Variants in KLF13 observed in about 807,000 individuals in gnomAD.
KLF13 encodes KLF transcription factor 13.
A neutral mutation model predicts 16.7 loss-of-function variants in KLF13; 8 were observed. That is an observed-to-expected ratio of 0.48 (90% CI 0.28 to 0.87). KLF13 has a LOEUF of 0.87. Ranked by LOEUF, KLF13 falls within the 40% of genes least tolerant of loss-of-function variation. The pLI is 0.10. For missense variants in KLF13, 447 were observed against 452.2 expected (o/e 0.99, Z 0.10); for synonymous variants, 245 against 208.4 (o/e 1.18, Z -1.51).
chr15:31,424,479 A>T (rs540036870), intron 1 of KLF13, among the ~76,000 whole-genome samples: 51 of 152,292 alleles, frequency 3.3e-4, no homozygotes, highest in African/African-American at 9.4e-4. Flanking sequence ...CAACTGTTCT[A>T]TATATATGTA....
At chr15:31,370,468 GA>G (rs1189628734) in intron 1 of KLF13, among the ~76,000 whole-genome samples, 1 of 151,290 alleles carries the variant, frequency 6.6e-6, no homozygotes, top group Non-Finnish European at 1.5e-5. Context: ...GCCCAGGCTG[GA>G]GTGCAGTGAC....
At chr15:31,366,915 A>AAG (rs1298750763) in intron 1 of KLF13, among the ~76,000 whole-genome samples, 2 of 152,242 alleles carry the variant, frequency 1.3e-5, no homozygotes, top group Non-Finnish European at 2.9e-5. Flanking sequence ...ATTCTCCCAA[A>AAG]AGAGTACAGT....
At chr15:31,426,293 T>C (rs1039647461) in intron 1 of KLF13, among the ~76,000 whole-genome samples, 2 of 152,170 alleles carry the variant, frequency 1.3e-5, no homozygotes, top group Non-Finnish European at 2.9e-5. Flanking sequence ...TCTTATATCA[T>C]TTATAAAAAT....
At chr15:31,361,818 A>G (rs1250856985) in intron 1 of KLF13, among the ~76,000 whole-genome samples, 1 of 77,400 alleles carries the variant, frequency 1.3e-5, no homozygotes, top group African/African-American at 5.1e-5. Flanking sequence ...GGTGCCCCCC[A>G]CCCCCCACCC....
chr15:31,342,836 T>G (rs1004211221), intron 1 of KLF13, among the ~76,000 whole-genome samples: 7 of 152,226 alleles, frequency 4.6e-5, no homozygotes, highest in Non-Finnish European at 1.0e-4. Flanking sequence ...TCGCACCCCT[T>G]TCCTGCTTTA....
chr15:31,331,455 A>G (rs2038831071), intron 1 of KLF13, among the ~76,000 whole-genome samples: 1 of 152,128 alleles, frequency 6.6e-6, no homozygotes, highest in Non-Finnish European at 1.5e-5. Context: ...CCCAGGGCAC[A>G]CTCTGGCTTT....
chr15:31,333,060 TC>T (rs796549858), intron 1 of KLF13, among the ~76,000 whole-genome samples: 2 of 152,332 alleles, frequency 1.3e-5, no homozygotes, highest in South Asian at 2.1e-4. Flanking sequence ...AATAAAAACT[TC>T]TAGAATAGTA....
At chr15:31,355,187 A>ATC in intron 1 of KLF13, among the ~76,000 whole-genome samples, 4 of 152,210 alleles carry the variant, frequency 2.6e-5, no homozygotes, top group African/African-American at 9.6e-5. Flanking sequence ...GGTAACACAG[A>ATC]TAGGTGAGGA....
In KLF13 at chr15:31,373,119, C is replaced by T. The variant is rs1445065827; in HGVS notation, c.*820C>T. The T allele has an allele frequency of 6.6e-6, 1 of 152,310 alleles. No homozygotes were observed. Among genetic ancestry groups the T allele is most frequent in the East Asian group, 1.9e-4 (1 of 5,206 alleles). The allele number at this position is 152,310 out of a possible 1,614,324, so 9.4% of individuals were successfully genotyped here. On this transcript the variant is annotated 3_prime_UTR_variant, in exon 2 of 2. Coordinates refer to ENST00000307145, the MANE Select transcript of KLF13 (RefSeq NM_015995.4). ...CTGCCAGGACTCCGCTTCTCCGTGT[C>T]CCAGCAGAAGGCATGCAGGACCCTG...
exon 3 of KLF13, chr15:31,403,988 A>G (rs1476933425): frequency 1.3e-5 from 2 of 152,194 alleles, no homozygotes; most frequent in Non-Finnish European, 2.9e-5. Flanking sequence ...GCATGTTACC[A>G]CAAGTACAGT....
At chr15:31,344,386 T>C (rs569701515) in intron 1 of KLF13, among the ~76,000 whole-genome samples, 103 of 152,312 alleles carry the variant, frequency 6.8e-4, no homozygotes, top group South Asian at 1.5e-3. Context: ...GACGTTTTCA[T>C]GTGTCTGGCT....
intron 1 of KLF13, among the ~76,000 whole-genome samples, chr15:31,387,255 A>T (rs2039805397): frequency 6.6e-6 from 1 of 152,150 alleles, no homozygotes; most frequent in African/African-American, 2.4e-5. Flanking sequence ...GGCAAACTTC[A>T]TTGTTGTCTT....
At chr15:31,408,434 C>A (rs1330417308), downstream of KLF13, among the ~76,000 whole-genome samples, 1 of 152,138 alleles carries the variant, frequency 6.6e-6, no homozygotes. Context: ...ACAGTGTCAT[C>A]CTTATGAGAA....
intron 1 of KLF13, chr15:31,420,222 G>A (rs956353238): frequency 9.4e-6 from 6 of 640,566 alleles, no homozygotes; most frequent in Non-Finnish European, 1.8e-5. Flanking sequence ...AATCCTGTGG[G>A]CAAAAGACTA....
intron 1 of KLF13, among the ~76,000 whole-genome samples, chr15:31,336,486 C>T (rs952252580): frequency 6.6e-6 from 1 of 152,122 alleles, no homozygotes; most frequent in Non-Finnish European, 1.5e-5. Flanking sequence ...ATGTGCAGGG[C>T]CTGTGATACA....
rs145785352 is a variant in KLF13 at position 31,430,022 on chromosome 15, C to T, written n.118-5348C>T. 1.4e-4 allele frequency among the ~76,000 whole-genome samples: 21 copies of T among 152,228 alleles called. No homozygotes were observed. The East Asian group carries it at 2.9e-3, about 21-fold the overall frequency. ...TGCTGGGATTACAGATATGAGCCAC[C>T]GTGCCTGGCCTGATTCTTTTATTTT... On this transcript the variant is annotated intron_variant and non_coding_transcript_variant, in intron 1 of 1. Coordinates refer to the KLF13 transcript ENST00000558225.
intron 1 of KLF13, among the ~76,000 whole-genome samples, chr15:31,412,986 C>T (rs911265450): frequency 2.0e-5 from 3 of 152,128 alleles, no homozygotes; most frequent in Admixed American, 6.5e-5. Context: ...ACCTCAGAAA[C>T]GGTTCCTTCA....
chr15:31,383,379 C>G (rs1208238731), intron 1 of KLF13, among the ~76,000 whole-genome samples: 1 of 152,198 alleles, frequency 6.6e-6, no homozygotes, highest in Non-Finnish European at 1.5e-5. Flanking sequence ...AGACCAGCTA[C>G]TAGTTTGTGG....
intron 1 of KLF13, among the ~76,000 whole-genome samples, chr15:31,367,606 C>T (rs1359803086): frequency 6.6e-6 from 1 of 152,220 alleles, no homozygotes; most frequent in Non-Finnish European, 1.5e-5. Context: ...AAGGACAAGG[C>T]TCCTCACAAG....
Sources: allele counts gnomAD v4.1 joint callset (sites outside exome capture counted in the v4.1 genomes callset), GRCh38; gene constraint gnomAD v4.1.1; transcripts MANE v1.5; gene names NCBI Gene and HGNC (gene_info 2026-07-23, HGNC 2026-07-21).